Variants in ARHGAP15 observed in about 807,000 individuals in gnomAD.
ARHGAP15 encodes Rho GTPase activating protein 15, also known as rho GTPase-activating protein 15.
Under a neutral mutation model 63.7 loss-of-function variants are expected in ARHGAP15, and 51 were observed. The ratio of observed to expected loss-of-function variants is 0.80; its 90% CI spans 0.64 to 1.01. ARHGAP15 has a LOEUF of 1.01. Ranked by LOEUF, ARHGAP15 falls within the 50% of genes least tolerant of loss-of-function variation. The probability of loss-of-function intolerance (pLI) is 0.00; values close to 1 mark genes in which losing one functional copy is unlikely to be tolerated. For missense variants in ARHGAP15, 560 were observed against 564.6 expected (o/e 0.99, Z 0.08); for synonymous variants, 191 against 193.8 (o/e 0.99, Z 0.12).
chr2:143,311,557 G>A (rs2105190216), intron 6 of ARHGAP15, among the ~76,000 whole-genome samples: 1 of 152,202 alleles, frequency 6.6e-6, no homozygotes, highest in Non-Finnish European at 1.5e-5. Context: ...GTAATTGGGT[G>A]TGCATGCCTT....
intron 6 of ARHGAP15, among the ~76,000 whole-genome samples, chr2:143,363,458 G>A (rs532824797): frequency 6.6e-6 from 1 of 152,238 alleles, no homozygotes; most frequent in Admixed American, 6.5e-5. Flanking sequence ...TTGAGCCACT[G>A]CACTCTGGCC....
chr2:143,666,122 G>A (rs1015830267), intron 12 of ARHGAP15, among the ~76,000 whole-genome samples: 2 of 151,782 alleles, frequency 1.3e-5, no homozygotes, highest in Non-Finnish European at 2.9e-5. Flanking sequence ...GCAATCCTAA[G>A]CCAAAAGAAC....
At chr2:143,339,467 C>A (rs955660841) in intron 6 of ARHGAP15, among the ~76,000 whole-genome samples, 3 of 152,086 alleles carry the variant, frequency 2.0e-5, no homozygotes, top group African/African-American at 7.2e-5. Context: ...GTGGGTAATA[C>A]TTCTCATCAG....
At chr2:143,227,926 A>C (rs923121886) in intron 4 of ARHGAP15, among the ~76,000 whole-genome samples, 2 of 152,150 alleles carry the variant, frequency 1.3e-5, no homozygotes, top group African/African-American at 4.8e-5. Flanking sequence ...TTCAAATTGC[A>C]CTCCAGAAAG....
At chr2:143,608,160 T>A (rs1287295208) in intron 11 of ARHGAP15, 1 of 152,212 alleles carries the variant, frequency 6.6e-6, no homozygotes, top group Non-Finnish European at 1.5e-5. Flanking sequence ...CAGAATTTTA[T>A]GCAATTCTAA....
chr2:143,340,931 TAATA>T, intron 6 of ARHGAP15, among the ~76,000 whole-genome samples: 1 of 152,280 alleles, frequency 6.6e-6, no homozygotes, highest in African/African-American at 2.4e-5. Flanking sequence ...GAAGTTGATC[TAATA>T]AATCAGAATA....
rs577964641 is a variant in ARHGAP15 at position 143,492,128 on chromosome 2, C to T, written c.826+4633C>T. Among the ~76,000 whole-genome samples, 136 of 152,242 alleles carry T rather than the reference C, an allele frequency of 8.9e-4. 3 individuals are homozygous for T. In the South Asian group the frequency reaches 0.02, roughly 23 times the overall value. On this transcript the variant is annotated intron_variant, in intron 9 of 13. Transcript: ENST00000295095. ...AACTCCTGAGCTAAGGCGATCTGCC[C>T]GCTTTGGCCTCCCAAAGTGCTAGGA...
chr2:143,296,784 C>T (rs1682651055), intron 6 of ARHGAP15, among the ~76,000 whole-genome samples: 1 of 150,966 alleles, frequency 6.6e-6, no homozygotes, highest in Non-Finnish European at 1.5e-5. Flanking sequence ...GTGTATTAAG[C>T]CCAGTACCCA....
At chr2:143,695,141 T>C (rs907188437) in intron 12 of ARHGAP15, among the ~76,000 whole-genome samples, 1 of 152,168 alleles carries the variant, frequency 6.6e-6, no homozygotes, top group Non-Finnish European at 1.5e-5. Flanking sequence ...AGTAAAGACT[T>C]TTTTTAATTA....
intron 9 of ARHGAP15, among the ~76,000 whole-genome samples, chr2:143,505,296 G>A (rs1693258731): frequency 6.6e-6 from 1 of 152,148 alleles, no homozygotes; most frequent in Non-Finnish European, 1.5e-5. Flanking sequence ...CCCAGTAGCT[G>A]GAAACATAAC....
intron 11 of ARHGAP15, among the ~76,000 whole-genome samples, chr2:143,617,253 G>A (rs1188845984): frequency 2.0e-5 from 3 of 152,154 alleles, no homozygotes; most frequent in Non-Finnish European, 2.9e-5. Context: ...CTTGTGTTGA[G>A]AAGATGTATA....
Position 143,437,024 on chromosome 2 carries a change from G to C in ARHGAP15, c.685G>C (p.Glu229Gln). 6.2e-7 allele frequency: 1 copy of C among 1,602,330 alleles called. No homozygotes were observed. The highest frequency in any genetic ancestry group is 8.5e-7 in the Non-Finnish European group (1 of 1,176,948). Reference protein sequence around the residue: ...YDSDIKEQKPEHRKSLMFRLH... With the variant: ...YDSDIKEQKPQHRKSLMFRLH... ...CAGTGATATAAAAGAACAGAAACCA[G>C]AGCACAGAAAATCTTTAAGTGAGTA... Residue 229 changes from glutamate to glutamine, a missense_variant, in exon 8 of 14, where the codon GAG becomes CAG. Glu to Gln is a conservative substitution (Grantham distance 29). Coordinates refer to ENST00000295095, the MANE Select transcript of ARHGAP15 (RefSeq NM_018460.4).
At chr2:143,407,357 C>A (rs1031723511) in intron 6 of ARHGAP15, among the ~76,000 whole-genome samples, 4 of 151,690 alleles carry the variant, frequency 2.6e-5, no homozygotes, top group Non-Finnish European at 5.9e-5. Flanking sequence ...TTATTTTATG[C>A]TAATTGTTAA....
chr2:143,509,541 C>T (rs905779277), intron 9 of ARHGAP15, among the ~76,000 whole-genome samples: 7 of 152,166 alleles, frequency 4.6e-5, no homozygotes, highest in African/African-American at 1.4e-4. Context: ...TAGCATTAGG[C>T]GTATTTTTTC....
At chr2:143,731,582 T>C (rs1207976899) in intron 13 of ARHGAP15, among the ~76,000 whole-genome samples, 2 of 152,202 alleles carry the variant, frequency 1.3e-5, no homozygotes, top group Non-Finnish European at 2.9e-5. Flanking sequence ...CCTGGCTCAA[T>C]ATCCTGCTCT....
chr2:143,279,055 G>A (rs1280298893), intron 6 of ARHGAP15, among the ~76,000 whole-genome samples: 1 of 152,060 alleles, frequency 6.6e-6, no homozygotes, highest in Non-Finnish European at 1.5e-5. Context: ...GCTAAATTCA[G>A]CTAATAATAC....
intron 12 of ARHGAP15, among the ~76,000 whole-genome samples, chr2:143,661,918 T>C (rs1359889249): frequency 6.6e-6 from 1 of 152,214 alleles, no homozygotes; most frequent in Non-Finnish European, 1.5e-5. Flanking sequence ...CGGAGGGTCC[T>C]ACGCCCACAG....
At chr2:143,192,373 C>T (rs1243392561) in intron 2 of ARHGAP15, among the ~76,000 whole-genome samples, 1 of 152,238 alleles carries the variant, frequency 6.6e-6, no homozygotes, top group Admixed American at 6.5e-5. Flanking sequence ...GATAACCATT[C>T]TCCAAGGCAG....
At chr2:143,647,359 TAAAAA>T (rs79292470) in intron 12 of ARHGAP15, among the ~76,000 whole-genome samples, 1 of 136,508 alleles carries the variant, frequency 7.3e-6, no homozygotes, top group African/African-American at 2.7e-5. Context: ...ACCAAGTAGT[TAAAAA>T]AAAAAAAAAA....
Sources: allele counts gnomAD v4.1 joint callset (sites outside exome capture counted in the v4.1 genomes callset), GRCh38; gene constraint gnomAD v4.1.1; transcripts MANE v1.5; gene names NCBI Gene and HGNC (gene_info 2026-07-23, HGNC 2026-07-21).